Variants in ANKFN1 observed in about 807,000 individuals in gnomAD.
ANKFN1 encodes ankyrin repeat and fibronectin type-III domain-containing protein 1.
Under a neutral mutation model 108.7 loss-of-function variants are expected in ANKFN1, and 74 were observed. The observed-to-expected ratio is 0.68, with a 90% CI of 0.56 to 0.83. The LOEUF (loss-of-function observed/expected upper bound fraction) is 0.83. Ranked by LOEUF, ANKFN1 falls within the 40% of genes least tolerant of loss-of-function variation. ANKFN1 has a pLI of 0.00. For missense variants in ANKFN1, 1,505 were observed against 1,382.3 expected (o/e 1.09, Z -1.41); for synonymous variants, 547 against 516.2 (o/e 1.06, Z -0.81).
chr17:56,196,870 G>A (rs1330186982), intron 1 of ANKFN1, among the ~76,000 whole-genome samples: 1 of 152,216 alleles, frequency 6.6e-6, no homozygotes. Flanking sequence ...CATCAGAAAG[G>A]TCATGCACAT....
At chr17:56,155,035 C>T (rs1025481048) in intron 1 of ANKFN1, among the ~76,000 whole-genome samples, 5 of 152,166 alleles carry the variant, frequency 3.3e-5, no homozygotes, top group African/African-American at 9.7e-5. Context: ...AGCCTTCATG[C>T]CCCCCTCAAC....
intron 8 of ANKFN1, among the ~76,000 whole-genome samples, chr17:56,398,810 G>A (rs2047666011): frequency 6.6e-6 from 1 of 152,110 alleles, no homozygotes; most frequent in South Asian, 2.1e-4. Flanking sequence ...TACTGTCCCA[G>A]CTGCCCCATG....
At chr17:56,251,070 A>G (rs2043223535) in intron 3 of ANKFN1, among the ~76,000 whole-genome samples, 1 of 152,218 alleles carries the variant, frequency 6.6e-6, no homozygotes, top group African/African-American at 2.4e-5. Flanking sequence ...ATGGCATAAA[A>G]TAATGTTTCA....
intron 4 of ANKFN1, among the ~76,000 whole-genome samples, chr17:56,088,203 C>T (rs1169956677): frequency 1.3e-5 from 2 of 151,436 alleles, no homozygotes; most frequent in East Asian, 3.9e-4. Context: ...CGTTTTTTAG[C>T]ACCAGCTAGA....
At position 56,184,284 on chromosome 17, in the gene ANKFN1, G is replaced by A. The variant is rs182134482; in HGVS notation, c.-70-28314G>A. Among the ~76,000 whole-genome samples, 6 of 152,220 alleles carry A rather than the reference G, an allele frequency of 3.9e-5. No individual in the cohort carries two copies. In the East Asian group the frequency reaches 9.7e-4, roughly 25 times the overall value. On this transcript the variant is annotated intron_variant, in intron 1 of 20. Coordinates refer to ENST00000682825, the MANE Select transcript of ANKFN1 (RefSeq NM_001370326.1). The stretch of plus-strand genomic sequence containing the variant: ...TCCAGCCTTCAGCAACCACCACCCT[G>A]ATCAGTCAGCAGCCAGCAACATAGA...
At chr17:56,384,397 C>G (rs1415668023) in intron 8 of ANKFN1, among the ~76,000 whole-genome samples, 3 of 152,172 alleles carry the variant, frequency 2.0e-5, no homozygotes, top group Non-Finnish European at 2.9e-5. Flanking sequence ...AAACTGGAAG[C>G]ATTCCCTTTG....
chr17:56,219,457 G>T (rs536128317), intron 2 of ANKFN1, among the ~76,000 whole-genome samples: 1 of 152,232 alleles, frequency 6.6e-6, no homozygotes, highest in East Asian at 1.9e-4. Context: ...ATGTTGGCCA[G>T]GCTGGTCTCA....
At chr17:56,347,358 T>C (rs574334755) in intron 4 of ANKFN1, among the ~76,000 whole-genome samples, 287 of 152,176 alleles carry the variant, frequency 1.9e-3, no homozygotes, top group African/African-American at 6.5e-3. Flanking sequence ...GTACCTTTCA[T>C]TTGTTGATTA....
At chr17:56,369,407 A>C (rs528973462) in intron 6 of ANKFN1, among the ~76,000 whole-genome samples, 16 of 152,288 alleles carry the variant, frequency 1.1e-4, no homozygotes, top group African/African-American at 2.9e-4. Context: ...TGATTTATTA[A>C]ATATGATTTC....
At chr17:56,331,940 C>T (rs564752298) in intron 4 of ANKFN1, among the ~76,000 whole-genome samples, 1 of 152,224 alleles carries the variant, frequency 6.6e-6, no homozygotes, top group Admixed American at 6.5e-5. Flanking sequence ...CAAGAAAACA[C>T]ATCTTGTTGT....
intron 1 of ANKFN1, among the ~76,000 whole-genome samples, chr17:56,182,529 G>A (rs1158186791): frequency 6.6e-6 from 1 of 152,170 alleles, no homozygotes; most frequent in Non-Finnish European, 1.5e-5. Context: ...ATCTGGGAGA[G>A]GTGACAAAGC....
intron 4 of ANKFN1, among the ~76,000 whole-genome samples, chr17:56,077,702 C>A (rs1322834322): frequency 6.6e-6 from 1 of 152,080 alleles, no homozygotes; most frequent in African/African-American, 2.4e-5. Context: ...TATGCCTTGC[C>A]CCTACTTCTA....
chr17:56,419,549 T>C (rs1273672099), intron 8 of ANKFN1, among the ~76,000 whole-genome samples: 1 of 151,468 alleles, frequency 6.6e-6, no homozygotes, highest in Non-Finnish European at 1.5e-5. Context: ...ATCCCAGCAC[T>C]TTGGGAGGCC....
chr17:56,422,285 G>T (rs188752601), intron 8 of ANKFN1, among the ~76,000 whole-genome samples: 12 of 152,118 alleles, frequency 7.9e-5, no homozygotes, highest in Admixed American at 7.9e-4. Flanking sequence ...GGGTTTCCTT[G>T]GCCTTTTACT....
At chr17:56,277,656 A>G (rs1209062688) in intron 3 of ANKFN1, among the ~76,000 whole-genome samples, 1 of 152,150 alleles carries the variant, frequency 6.6e-6, no homozygotes, top group Non-Finnish European at 1.5e-5. Flanking sequence ...AAACCCAAAT[A>G]TGGCTAACTC....
intron 3 of ANKFN1, among the ~76,000 whole-genome samples, chr17:56,302,590 A>G (rs907877171): frequency 6.6e-6 from 1 of 152,132 alleles, no homozygotes; most frequent in African/African-American, 2.4e-5. Context: ...TTGTCTAATT[A>G]CAACAAAAGT....
chr17:56,289,974 TA>T (rs2044316840), intron 3 of ANKFN1, among the ~76,000 whole-genome samples: 1 of 152,180 alleles, frequency 6.6e-6, no homozygotes, highest in Non-Finnish European at 1.5e-5. Flanking sequence ...ATTTCACAGA[TA>T]AGAAAACTGA....
intron 20 of ANKFN1, among the ~76,000 whole-genome samples, chr17:56,503,486 CATATATATAT>C (rs3052391): frequency 0.35 from 28,153 of 81,452 alleles, 4,893 homozygotes; most frequent in South Asian, 0.42. Context: ...GCACAAATTT[CATATATATAT>C]ATATATATAT....
chr17:56,377,484 G>A lies in ANKFN1; in HGVS notation c.910+2770G>A, dbSNP rs72833881. 2.2e-3 allele frequency among the ~76,000 whole-genome samples: 338 copies of A among 151,412 alleles called. 2 individuals carry two copies. Among genetic ancestry groups the A allele is most frequent in the Non-Finnish European group, 4.1e-3 (278 of 67,810 alleles). ...TTTCCCCTGAATGCAGTAAAACGGG[G>A]CTAGGAGATCTACTCTCTGTTTCTA... On this transcript the variant is annotated intron_variant, in intron 8 of 20. Transcript: ENST00000682825.
Sources: gnomAD v4.1 joint callset for allele counts (sites outside exome capture counted in the v4.1 genomes callset) on GRCh38, gnomAD v4.1.1 for gene constraint, MANE v1.5 for transcripts, NCBI Gene and HGNC (gene_info 2026-07-23, HGNC 2026-07-21) for gene names.